The following QTMAN variants were observed in gnomAD, a reference collection of about 807,000 sequenced individuals.
QTMAN encodes queuosine-tRNA mannosyltransferase.
At chr2:144,024,232 T>C in the QTMAN span, among the ~76,000 whole-genome samples, 1 of 152,384 alleles carries the variant, frequency 6.6e-6, no homozygotes, top group East Asian at 1.9e-4. Flanking sequence ...TCCAATTTTA[T>C]AGGACTCGAA....
the QTMAN span, among the ~76,000 whole-genome samples, chr2:144,041,254 A>G: frequency 6.6e-6 from 1 of 152,352 alleles, no homozygotes; most frequent in Non-Finnish European, 1.5e-5. Flanking sequence ...TTGGGTCACA[A>G]TAAGTAATAA....
chr2:144,048,329 A>G, the QTMAN span, among the ~76,000 whole-genome samples: 1 of 152,210 alleles, frequency 6.6e-6, no homozygotes, highest in Admixed American at 6.5e-5. Flanking sequence ...TTACATGCCA[A>G]ATGTAGAAAA....
At chr2:144,053,313 G>A in the QTMAN span, among the ~76,000 whole-genome samples, 3 of 152,166 alleles carry the variant, frequency 2.0e-5, no homozygotes, top group Admixed American at 2.0e-4. Flanking sequence ...CACTGTGCCA[G>A]ATCATCTATT....
chr2:143,968,314 T>A, the QTMAN span, among the ~76,000 whole-genome samples: 6 of 152,174 alleles, frequency 3.9e-5, no homozygotes, highest in Non-Finnish European at 7.4e-5. Flanking sequence ...TTTCACAGCA[T>A]CCCAGTTAGA....
the QTMAN span, among the ~76,000 whole-genome samples, chr2:144,001,079 A>C: frequency 6.6e-6 from 1 of 152,036 alleles, no homozygotes; most frequent in African/African-American, 2.4e-5. Context: ...GAGAAAACAA[A>C]GGTAAGTTTA....
the QTMAN span, among the ~76,000 whole-genome samples, chr2:144,227,099 A>G: frequency 3.9e-5 from 6 of 152,300 alleles, no homozygotes; most frequent in African/African-American, 1.4e-4. Flanking sequence ...CTAATGCAAA[A>G]TCTGCTTTAA....
chr2:144,231,892 G>GTGTC, the QTMAN span, among the ~76,000 whole-genome samples: 1 of 132,490 alleles, frequency 7.5e-6, no homozygotes, highest in African/African-American at 2.9e-5. Flanking sequence ...GTGTGTGTGT[G>GTGTC]TTATCTTTAC....
the QTMAN span, among the ~76,000 whole-genome samples, chr2:144,076,096 A>C: frequency 6.6e-6 from 1 of 152,098 alleles, no homozygotes; most frequent in Non-Finnish European, 1.5e-5. Context: ...AAAATACAAA[A>C]ATTAGCTGGG....
chr2:143,957,872 A>G, the QTMAN span, among the ~76,000 whole-genome samples: 1 of 152,178 alleles, frequency 6.6e-6, no homozygotes, highest in Non-Finnish European at 1.5e-5. Context: ...GTGTTCTGAA[A>G]TAACAAAGAA....
the QTMAN span, among the ~76,000 whole-genome samples, chr2:144,089,465 T>C: frequency 1.3e-5 from 2 of 151,774 alleles, no homozygotes; most frequent in African/African-American, 4.8e-5. Context: ...GAGTAAAAAC[T>C]CAATATCAAA....
At chr2:144,121,549 C>T in the QTMAN span, among the ~76,000 whole-genome samples, 1 of 152,094 alleles carries the variant, frequency 6.6e-6, no homozygotes, top group Non-Finnish European at 1.5e-5. Flanking sequence ...ACCCTCTGGT[C>T]AAAGACACTA....
the QTMAN span, among the ~76,000 whole-genome samples, chr2:144,182,407 GAA>G: frequency 2.6e-5 from 4 of 152,058 alleles, no homozygotes; most frequent in East Asian, 7.8e-4. Flanking sequence ...TTGGGAGGCC[GAA>G]GTGTGTGGAT....
chr2:144,209,361 A>C, the QTMAN span, among the ~76,000 whole-genome samples: 1 of 152,246 alleles, frequency 6.6e-6, no homozygotes, highest in Non-Finnish European at 1.5e-5. Context: ...AAAAGAAGGC[A>C]TATCAACCAA....
At chr2:144,251,769 ACT>A in the QTMAN span, among the ~76,000 whole-genome samples, 10 of 152,222 alleles carry the variant, frequency 6.6e-5, no homozygotes, top group African/African-American at 2.2e-4. Context: ...TGTGAAAGAC[ACT>A]CTCAAGAGAA....
the QTMAN span, among the ~76,000 whole-genome samples, chr2:144,107,524 G>C: frequency 3.3e-5 from 5 of 152,066 alleles, no homozygotes; most frequent in Admixed American, 2.6e-4. Flanking sequence ...ATAAATTCCT[G>C]GACACATACA....
the QTMAN span, among the ~76,000 whole-genome samples, chr2:144,072,588 G>C: frequency 2.0e-5 from 3 of 152,178 alleles, no homozygotes; most frequent in Non-Finnish European, 4.4e-5. Flanking sequence ...GCAGCAAGAA[G>C]CAAGTCTGTT....
the QTMAN span, among the ~76,000 whole-genome samples, chr2:144,039,939 GAA>G: frequency 1.3e-5 from 2 of 152,200 alleles, no homozygotes; most frequent in Admixed American, 6.5e-5. Flanking sequence ...GTATACTTGT[GAA>G]AAGCTACAGC....
chr2:144,128,723 T>G, the QTMAN span, among the ~76,000 whole-genome samples: 2 of 152,008 alleles, frequency 1.3e-5, no homozygotes, highest in Non-Finnish European at 2.9e-5. Flanking sequence ...GGAAGATTTC[T>G]AAAGTTTTTA....
At chr2:144,131,118 C>A in the QTMAN span, among the ~76,000 whole-genome samples, 4 of 151,720 alleles carry the variant, frequency 2.6e-5, no homozygotes, top group Non-Finnish European at 5.9e-5. Context: ...AAGGGCAAAT[C>A]CAACCAAACC....
Sources: gnomAD v4.1 joint callset for allele counts (sites outside exome capture counted in the v4.1 genomes callset) on GRCh38, gnomAD v4.1.1 for gene constraint, MANE v1.5 for transcripts, NCBI Gene and HGNC (gene_info 2026-07-23, HGNC 2026-07-21) for gene names.